DTNA: variants seen among roughly 807,000 people sequenced by gnomAD.
The protein encoded by DTNA is dystrobrevin alpha, also known as dystrophin-related protein 3.
In DTNA, 43 loss-of-function variants were observed where a neutral mutation model predicts 100.7. The observed-to-expected ratio is 0.43, with a 90% CI of 0.33 to 0.55. The LOEUF (loss-of-function observed/expected upper bound fraction) is 0.55, where lower values mean the gene tolerates loss of function less well. Ranked by LOEUF, DTNA falls within the 20% of genes least tolerant of loss-of-function variation. The probability of loss-of-function intolerance (pLI) is 0.04; values close to 1 mark genes in which losing one functional copy is unlikely to be tolerated. For synonymous variants in DTNA, 349 were observed against 347.9 expected (o/e 1.00, Z -0.04); for missense variants, 798 against 953.9 (o/e 0.84, Z 2.15).
At chr18:34,824,123 T>G (rs2095794874) in intron 9 of DTNA, among the ~76,000 whole-genome samples, 1 of 152,220 alleles carries the variant, frequency 6.6e-6, no homozygotes, top group Admixed American at 6.5e-5. Context: ...GGATATAAAA[T>G]TTGATGTTGA....
At chr18:34,500,894 T>A (rs1318572660) in intron 1 of DTNA, among the ~76,000 whole-genome samples, 1 of 152,244 alleles carries the variant, frequency 6.6e-6, no homozygotes, top group Non-Finnish European at 1.5e-5. Flanking sequence ...ACCACCATCA[T>A]GTAATCTGAA....
At chr18:34,506,859 T>C (rs1213455313) in intron 1 of DTNA, among the ~76,000 whole-genome samples, 1 of 152,132 alleles carries the variant, frequency 6.6e-6, no homozygotes, top group Non-Finnish European at 1.5e-5. Flanking sequence ...TTGTACTTAG[T>C]AAGAAGAGTA....
rs139290203 is a variant in DTNA, at chr18:34,509,570, A to AATG, written c.-2+16058_-2+16059insGAT. On this transcript the variant is annotated intron_variant, in intron 1 of 19. Coordinates refer to the DTNA transcript ENST00000283365. ...ATAATGATTTTTGCTAATGATGCTA[A>AATG]ATACCCTTTAGGAAGTGATATATGA... is the stretch of plus-strand genomic sequence containing the variant. 6.5e-3 allele frequency among the ~76,000 whole-genome samples: 993 copies of AATG among 152,260 alleles called. 14 individuals carry two copies. Among genetic ancestry groups the AATG allele is most frequent in the African/African-American group, 0.023 (954 of 41,570 alleles).
At chr18:34,883,404 T>C (rs1176654636) in intron 21 of DTNA, among the ~76,000 whole-genome samples, 1 of 152,052 alleles carries the variant, frequency 6.6e-6, no homozygotes, top group Non-Finnish European at 1.5e-5. Context: ...CTCTAACTCC[T>C]GGGCACAAGC....
At chr18:34,523,172 A>C (rs7239717) in intron 1 of DTNA, among the ~76,000 whole-genome samples, 5,637 of 152,312 alleles carry the variant, frequency 0.037, 328 homozygotes, top group African/African-American at 0.13. Flanking sequence ...ATATTTTCCA[A>C]AAAAAGACCA....
At chr18:34,595,169 G>T (rs1327590114) in intron 1 of DTNA, among the ~76,000 whole-genome samples, 1 of 152,218 alleles carries the variant, frequency 6.6e-6, no homozygotes, top group Non-Finnish European at 1.5e-5. Flanking sequence ...TGTACTGAAT[G>T]GTTGACAATA....
chr18:34,690,079 G>A (rs572372173), intron 1 of DTNA, among the ~76,000 whole-genome samples: 1 of 152,304 alleles, frequency 6.6e-6, no homozygotes, highest in Non-Finnish European at 1.5e-5. Context: ...AGTTTGCTGG[G>A]TTTCTTTGGG....
intron 13 of DTNA, among the ~76,000 whole-genome samples, chr18:34,842,956 G>T (rs1256123714): frequency 6.6e-6 from 1 of 151,998 alleles, no homozygotes; most frequent in Admixed American, 6.6e-5. Context: ...GTGGGGCAGG[G>T]ACCCTCTCCA....
At chr18:34,724,626 C>A (rs2147083018) in intron 1 of DTNA, among the ~76,000 whole-genome samples, 1 of 152,230 alleles carries the variant, frequency 6.6e-6, no homozygotes, top group African/African-American at 2.4e-5. Flanking sequence ...CTCTTTTAAA[C>A]CAGCTCTTGG....
chr18:34,850,151 G>T (rs1483894062), intron 14 of DTNA, among the ~76,000 whole-genome samples: 1 of 152,202 alleles, frequency 6.6e-6, no homozygotes, highest in African/African-American at 2.4e-5. Flanking sequence ...AGTAAATCAT[G>T]ATTAGTAAGA....
At chr18:34,762,278 A>C (rs796549021) in intron 2 of DTNA, among the ~76,000 whole-genome samples, 4 of 152,346 alleles carry the variant, frequency 2.6e-5, no homozygotes, top group Admixed American at 6.5e-5. Flanking sequence ...TATTGACCAA[A>C]GCTGTTGGAC....
chr18:34,531,031 A>G (rs2043091436), intron 1 of DTNA, among the ~76,000 whole-genome samples: 1 of 152,096 alleles, frequency 6.6e-6, no homozygotes, highest in Non-Finnish European at 1.5e-5. Flanking sequence ...AACTTAAGAT[A>G]TTTATTTTTC....
chr18:34,858,945 A>C (rs1460229399), intron 16 of DTNA, among the ~76,000 whole-genome samples: 1 of 152,222 alleles, frequency 6.6e-6, no homozygotes, highest in Non-Finnish European at 1.5e-5. Flanking sequence ...AACATATCTC[A>C]CTAGGAACAA....
intron 1 of DTNA, among the ~76,000 whole-genome samples, chr18:34,530,332 G>T (rs2043021575): frequency 6.6e-6 from 1 of 152,004 alleles, no homozygotes; most frequent in Admixed American, 6.6e-5. Flanking sequence ...AGTCCTCTCT[G>T]TTCATGCTCC....
At chr18:34,784,151 G>T (rs932657025) in intron 3 of DTNA, among the ~76,000 whole-genome samples, 2 of 152,092 alleles carry the variant, frequency 1.3e-5, no homozygotes, top group African/African-American at 4.8e-5. Flanking sequence ...AACAGCCCGG[G>T]TTTCCACCAC....
chr18:34,497,761 T>C (rs570131546), intron 1 of DTNA, among the ~76,000 whole-genome samples: 5 of 151,984 alleles, frequency 3.3e-5, no homozygotes, highest in Non-Finnish European at 7.4e-5. Context: ...GTGAAAAATA[T>C]ACAAAACATG....
intron 1 of DTNA, among the ~76,000 whole-genome samples, chr18:34,628,307 C>A (rs2057613418): frequency 6.6e-6 from 1 of 152,170 alleles, no homozygotes; most frequent in Non-Finnish European, 1.5e-5. Flanking sequence ...TAGCTGTGTG[C>A]TAAATCAGTT....
intron 20 of DTNA, among the ~76,000 whole-genome samples, chr18:34,880,896 T>C (rs2096865407): frequency 6.6e-6 from 1 of 152,246 alleles, no homozygotes; most frequent in Non-Finnish European, 1.5e-5. Context: ...TTGTCATCTG[T>C]TTTGTCTGGT....
At chr18:34,570,699 G>A (rs1275625766) in intron 1 of DTNA, among the ~76,000 whole-genome samples, 1 of 152,152 alleles carries the variant, frequency 6.6e-6, no homozygotes, top group African/African-American at 2.4e-5. Context: ...AAATACTGGT[G>A]GTAGGATCAG....
Sources: gnomAD v4.1 joint callset for allele counts (sites outside exome capture counted in the v4.1 genomes callset) on GRCh38, gnomAD v4.1.1 for gene constraint, MANE v1.5 for transcripts, NCBI Gene and HGNC (gene_info 2026-07-23, HGNC 2026-07-21) for gene names.